The following UNC5C variants were observed in gnomAD, a reference collection of about 807,000 sequenced individuals.
UNC5C encodes netrin receptor UNC5C.
UNC5C carries 47 observed loss-of-function variants against 99.8 expected under a neutral mutation model. That is an observed-to-expected ratio of 0.47 (90% CI 0.37 to 0.60). UNC5C has a LOEUF of 0.60. Among genes scored for constraint, UNC5C ranks in the 20% least tolerant of loss-of-function variants. The pLI is 0.00. For missense variants in UNC5C, 1,062 were observed against 1,165.9 expected (o/e 0.91, Z 1.30); for synonymous variants, 487 against 452.2 (o/e 1.08, Z -0.98).
intron 1 of UNC5C, among the ~76,000 whole-genome samples, chr4:95,508,058 A>C (rs1021863276): frequency 8.6e-5 from 13 of 151,920 alleles, no homozygotes; most frequent in African/African-American, 3.1e-4. Flanking sequence ...CTGACCAACC[A>C]ATTTTTCTTC....
At chr4:95,420,625 A>G (rs2149455911) in intron 1 of UNC5C, among the ~76,000 whole-genome samples, 1 of 152,286 alleles carries the variant, frequency 6.6e-6, no homozygotes, top group Middle Eastern at 3.4e-3. Context: ...AGATTTTACA[A>G]CAATGACCTA....
In UNC5C at chr4:95,192,248, TTCACCCTCCTTTCCTGC is replaced by T. The variant is rs752068843; in HGVS notation, c.2137-7069_2137-7053del. Among the ~76,000 whole-genome samples the T allele has an allele frequency of 1.3e-3, 152 of 121,280 alleles. 1 individual carries two copies. Among genetic ancestry groups the T allele is most frequent in the Middle Eastern group, 7.1e-3 (1 of 140 alleles). 79.6% of individuals were successfully genotyped at this position (121,280 alleles called of 152,430 possible). ...CTCCTCTGCTCACCCTCCTCCCCTG[TTCACCCTCCTTTCCTGC>T]TCACCTCTTCTGCCCACCTCTTCTC... On this transcript the variant is annotated intron_variant, in intron 12 of 15. Transcript: ENST00000453304.
At chr4:95,365,114 G>GT (rs1278644440) in intron 1 of UNC5C, among the ~76,000 whole-genome samples, 1 of 150,934 alleles carries the variant, frequency 6.6e-6, no homozygotes, top group African/African-American at 2.4e-5. Context: ...GGCCAACATG[G>GT]TGAAACCCTG....
chr4:95,333,650 A>G (rs1364441415), intron 2 of UNC5C, among the ~76,000 whole-genome samples: 1 of 152,156 alleles, frequency 6.6e-6, no homozygotes, highest in Non-Finnish European at 1.5e-5. Flanking sequence ...GCAGCACACC[A>G]ACATGGCACA....
Position 95,496,317 on chromosome 4 carries a change from G to C in UNC5C, c.124+52417C>G, listed in dbSNP as rs189596370. ...TTAAACAAGTGAATGACCTAGATTG[G>C]TCAAGAAGACTATATTAGTATCTGA... On this transcript the variant is annotated intron_variant, in intron 1 of 15. Coordinates refer to ENST00000453304, the MANE Select transcript of UNC5C (RefSeq NM_003728.4). 9.2e-4 allele frequency among the ~76,000 whole-genome samples: 140 copies of C among 151,854 alleles called. 3 individuals carry two copies. Among genetic ancestry groups the C allele is most frequent in the Admixed American group, 3.3e-3 (50 of 15,194 alleles).
chr4:95,192,688 CTCCTCCCCTGCTCACT>C (rs1336220346), intron 12 of UNC5C, among the ~76,000 whole-genome samples: 10 of 151,258 alleles, frequency 6.6e-5, no homozygotes, highest in East Asian at 3.9e-4. Context: ...TCTGTTCACC[CTCCTCCCCTGCTCACT>C]TCCTCCCCTG....
chr4:95,192,101 C>A (rs139261802), intron 12 of UNC5C, among the ~76,000 whole-genome samples: 95 of 136,734 alleles, frequency 6.9e-4, no homozygotes, highest in African/African-American at 2.5e-3. Context: ...TCCTCCCCTG[C>A]TCACTTCCTC....
At chr4:95,301,815 C>T in intron 2 of UNC5C, 66 bp from the exon 3 acceptor site, 1 of 1,542,208 alleles carries the variant, frequency 6.5e-7, no homozygotes, top group Non-Finnish European at 8.8e-7. Flanking sequence ...TAAACCATCA[C>T]ATCATATTTT....
chr4:95,307,834 G>A (rs1390499595), intron 2 of UNC5C, among the ~76,000 whole-genome samples: 3 of 152,146 alleles, frequency 2.0e-5, no homozygotes, highest in Non-Finnish European at 4.4e-5. Flanking sequence ...ATCGATCAAT[G>A]TAATACATCA....
rs185951454 is a variant in UNC5C, at chr4:95,543,148, A to G, written c.124+5586T>C. Among the ~76,000 whole-genome samples, 26 of 152,268 alleles carry G rather than the reference A, an allele frequency of 1.7e-4. No individual in the cohort carries two copies. In the East Asian group the frequency reaches 4.6e-3, roughly 27 times the overall value. On this transcript the variant is annotated intron_variant, in intron 1 of 15. Coordinates refer to ENST00000453304, the MANE Select transcript of UNC5C (RefSeq NM_003728.4). Reference sequence around the variant, plus strand: ...TCCACAAATACATAAGCAATAACAAATCCAAGTAAGAAATGAAACCAAAGA... The same window carrying G: ...TCCACAAATACATAAGCAATAACAAGTCCAAGTAAGAAATGAAACCAAAGA...
intron 4 of UNC5C, among the ~76,000 whole-genome samples, chr4:95,253,472 T>C (rs2149383120): frequency 6.6e-6 from 1 of 152,280 alleles, no homozygotes. Flanking sequence ...CTCTTGCCTG[T>C]GTTGGAGCAG....
intron 2 of UNC5C, among the ~76,000 whole-genome samples, chr4:95,319,995 A>T (rs1002444196): frequency 5.3e-5 from 8 of 152,196 alleles, no homozygotes; most frequent in African/African-American, 1.9e-4. Flanking sequence ...ATAATATTTA[A>T]ATTTTAGGAG....
chr4:95,418,271 A>T (rs148321373), intron 1 of UNC5C, among the ~76,000 whole-genome samples: 1 of 152,342 alleles, frequency 6.6e-6, no homozygotes, highest in East Asian at 1.9e-4. Flanking sequence ...TTTTTCTTTG[A>T]AATATCAGTT....
At chr4:95,229,367 C>A (rs1738816320) in intron 7 of UNC5C, among the ~76,000 whole-genome samples, 2 of 150,856 alleles carry the variant, frequency 1.3e-5, no homozygotes, top group Middle Eastern at 3.4e-3. Context: ...TGAGTGAGAA[C>A]ATGCAGTGTT....
At chr4:95,306,121 T>C (rs1027375912) in intron 2 of UNC5C, among the ~76,000 whole-genome samples, 2 of 152,316 alleles carry the variant, frequency 1.3e-5, no homozygotes, top group African/African-American at 2.4e-5. Context: ...ATAACAGATA[T>C]TATGCTAAGT....
chr4:95,528,424 T>TA (rs1229980420), intron 1 of UNC5C, among the ~76,000 whole-genome samples: 2 of 152,184 alleles, frequency 1.3e-5, no homozygotes, highest in African/African-American at 4.8e-5. Context: ...TGCCACCATT[T>TA]ACCTTCAAGC....
chr4:95,270,279 A>C (rs945484665), intron 4 of UNC5C, among the ~76,000 whole-genome samples: 9 of 152,204 alleles, frequency 5.9e-5, no homozygotes, highest in African/African-American at 1.4e-4. Flanking sequence ...TTTGGAAAAA[A>C]ACAAGTATCC....
intron 12 of UNC5C, among the ~76,000 whole-genome samples, chr4:95,190,439 T>C (rs1737032145): frequency 6.6e-6 from 1 of 152,170 alleles, no homozygotes; most frequent in Non-Finnish European, 1.5e-5. Context: ...TGTATACATA[T>C]GTAACAAACC....
Position 95,219,280 on chromosome 4 carries a change from G to A in UNC5C, c.1334C>T (p.Ala445Val), listed in dbSNP as rs1378309866. ...GACAGGTCCTCTGTACATGGCTGCAGCTGACGTGAGGTCTGGGGGTACAGC... is the reference window on the plus strand; with the variant it reads ...GACAGGTCCTCTGTACATGGCTGCAACTGACGTGAGGTCTGGGGGTACAGC... ...LLAVPPDLTSAAAMYRGPVYA... is the reference protein window; with the variant it reads ...LLAVPPDLTSVAAMYRGPVYA... Residue 445 changes from alanine to valine, a missense_variant, in exon 9 of 16, where the codon GCT becomes GTT. Ala to Val is a moderately conservative substitution (Grantham distance 64). Coordinates refer to ENST00000453304, the MANE Select transcript of UNC5C (RefSeq NM_003728.4). The A allele has an allele frequency of 6.2e-7, 1 of 1,614,068 alleles. No homozygotes were observed. Among genetic ancestry groups the A allele is most frequent in the Non-Finnish European group, 8.5e-7 (1 of 1,179,954 alleles).
Sources: gnomAD v4.1 joint callset for allele counts (sites outside exome capture counted in the v4.1 genomes callset) on GRCh38, gnomAD v4.1.1 for gene constraint, MANE v1.5 for transcripts, NCBI Gene and HGNC (gene_info 2026-07-23, HGNC 2026-07-21) for gene names.